The following BABAM2 variants were observed in gnomAD, a reference collection of about 807,000 sequenced individuals.
BABAM2 encodes the protein BRISC and BRCA1 A complex member 2.
A neutral mutation model predicts 54.7 loss-of-function variants in BABAM2; 31 were observed. The observed-to-expected ratio is 0.57, with a 90% CI of 0.43 to 0.77. The LOEUF (loss-of-function observed/expected upper bound fraction) is 0.77. BABAM2 is among the 30% of genes least tolerant of loss of function. The probability of loss-of-function intolerance (pLI) is 0.00; values close to 1 mark genes in which losing one functional copy is unlikely to be tolerated. For missense variants in BABAM2, 364 were observed against 455.8 expected (o/e 0.80, Z 1.83); for synonymous variants, 167 against 162.9 (o/e 1.03, Z -0.19).
At chr2:28,275,948 G>GT (rs2148178388) in intron 10 of BABAM2, among the ~76,000 whole-genome samples, 1 of 147,736 alleles carries the variant, frequency 6.8e-6, no homozygotes, top group African/African-American at 2.5e-5. Flanking sequence ...TAAATCATAT[G>GT]TTTTTTAAAA....
chr2:28,073,604 A>C (rs1276324499), intron 6 of BABAM2, among the ~76,000 whole-genome samples: 1 of 152,220 alleles, frequency 6.6e-6, no homozygotes, highest in African/African-American at 2.4e-5. Flanking sequence ...AATTCATGAA[A>C]TTCTACCCCC....
intron 6 of BABAM2, among the ~76,000 whole-genome samples, chr2:28,081,436 C>T (rs1320546632): frequency 6.6e-6 from 1 of 152,182 alleles, no homozygotes; most frequent in Non-Finnish European, 1.5e-5. Flanking sequence ...AAGATGCTTT[C>T]TGTGAATCAA....
At chr2:28,247,911 C>T (rs1358521640) in intron 10 of BABAM2, among the ~76,000 whole-genome samples, 1 of 152,180 alleles carries the variant, frequency 6.6e-6, no homozygotes, top group African/African-American at 2.4e-5. Flanking sequence ...ACTGCAACAT[C>T]CTGGCATTCT....
At chr2:28,327,531 G>A (rs1446130998) in intron 11 of BABAM2, 1 of 1,430,024 alleles carries the variant, frequency 7.0e-7, no homozygotes, top group Non-Finnish European at 9.4e-7. Context: ...ATCTCAGTCA[G>A]TTGTTGTTGA....
At position 28,338,649 on chromosome 2, in the gene BABAM2, A is replaced by T. The variant is rs1691682277; in HGVS notation, c.*136A>T. ...TCACACAGCAGCTTTTGCACGCCCC[A>T]GGCAGCCCCGACTGCTGAAATCCAA... On this transcript the variant is annotated 3_prime_UTR_variant, in exon 12 of 12. Transcript: ENST00000379624. The T allele has an allele frequency of 9.8e-6, 10 of 1,024,400 alleles. No individual in the cohort carries two copies. The South Asian group carries it at 1.4e-4, about 14-fold the overall frequency. 63.5% of individuals were successfully genotyped at this position (1,024,400 alleles called of 1,614,324 possible).
intron 5 of BABAM2, among the ~76,000 whole-genome samples, chr2:28,027,522 A>G (rs12997202): frequency 0.22 from 32,991 of 151,748 alleles, 4,456 homozygotes; most frequent in East Asian, 0.62. Flanking sequence ...GTTTCTATCA[A>G]TTTTCTTTTC....
At chr2:28,278,287 A>T (rs945605364) in intron 10 of BABAM2, among the ~76,000 whole-genome samples, 1 of 152,188 alleles carries the variant, frequency 6.6e-6, no homozygotes, top group Admixed American at 6.5e-5. Context: ...GATGAATTCA[A>T]GTGGAAGAAG....
Position 28,220,625 on chromosome 2 carries a change from A to T in BABAM2, c.681-16577A>T, listed in dbSNP as rs969486065. Among the ~76,000 whole-genome samples the T allele has an allele frequency of 1.9e-4, 29 of 152,226 alleles. No individual in the cohort carries two copies. The South Asian group carries it at 2.1e-3, about 11-fold the overall frequency. ...TAGCTTTCCAATACCAACCAAAAAA[A>T]AAATAAATAAAACAAGGATACAACT... On this transcript the variant is annotated intron_variant, in intron 7 of 11. Transcript: ENST00000379624.
At chr2:28,111,470 T>C (rs1422785315) in intron 6 of BABAM2, among the ~76,000 whole-genome samples, 1 of 152,222 alleles carries the variant, frequency 6.6e-6, no homozygotes, top group African/African-American at 2.4e-5. Flanking sequence ...GGTATTTGTC[T>C]TTTTATGCAA....
chr2:28,099,389 T>A (rs906871246), intron 6 of BABAM2, among the ~76,000 whole-genome samples: 2 of 152,026 alleles, frequency 1.3e-5, no homozygotes, highest in Non-Finnish European at 2.9e-5. Context: ...CTGGTTGTAG[T>A]GTGTTTGCTT....
intron 7 of BABAM2, among the ~76,000 whole-genome samples, chr2:28,185,472 C>T (rs923330857): frequency 6.6e-6 from 1 of 152,174 alleles, no homozygotes; most frequent in Admixed American, 6.5e-5. Flanking sequence ...CATCCTTGGG[C>T]ACAGTTTTGG....
chr2:28,074,740 T>C (rs1664497758), intron 6 of BABAM2, among the ~76,000 whole-genome samples: 1 of 152,122 alleles, frequency 6.6e-6, no homozygotes, highest in Non-Finnish European at 1.5e-5. Context: ...GAAGTACGTA[T>C]GGGACAGAAT....
chr2:27,960,033 A>AT (rs1218684402), intron 3 of BABAM2, among the ~76,000 whole-genome samples: 3 of 151,744 alleles, frequency 2.0e-5, no homozygotes, highest in Middle Eastern at 3.4e-3. Context: ...ATTTCAATAG[A>AT]TTTTTTTCCC....
intron 6 of BABAM2, among the ~76,000 whole-genome samples, chr2:28,118,915 A>G (rs1668828668): frequency 6.6e-6 from 1 of 151,898 alleles, no homozygotes; most frequent in Non-Finnish European, 1.5e-5. Flanking sequence ...GGTGTAAGGA[A>G]GGGGTCCAGT....
chr2:28,040,952 C>A (rs1677053919), intron 5 of BABAM2, among the ~76,000 whole-genome samples: 1 of 152,082 alleles, frequency 6.6e-6, no homozygotes, highest in African/African-American at 2.4e-5. Flanking sequence ...AAGTAGGGAT[C>A]ATCTAAGAGT....
At chr2:28,000,319 A>C (rs1673488756) in intron 4 of BABAM2, among the ~76,000 whole-genome samples, 1 of 152,016 alleles carries the variant, frequency 6.6e-6, no homozygotes, top group South Asian at 2.1e-4. Flanking sequence ...ATGGTTTTGC[A>C]GAGTAACTGG....
chr2:27,949,388 G>C (rs959478273), intron 3 of BABAM2, among the ~76,000 whole-genome samples: 2 of 152,066 alleles, frequency 1.3e-5, no homozygotes, highest in Non-Finnish European at 2.9e-5. Context: ...CAAAAAATTA[G>C]CCAGGCGTGG....
chr2:28,131,085 T>A (rs1263955081), intron 7 of BABAM2, among the ~76,000 whole-genome samples: 1 of 6,260 alleles, frequency 1.6e-4, no homozygotes, highest in African/African-American at 5.1e-4. Context: ...TATTATTTTT[T>A]TTTTTTTTTT....
chr2:27,906,184 G>T (rs1448575416), intron 2 of BABAM2, among the ~76,000 whole-genome samples: 1 of 152,122 alleles, frequency 6.6e-6, no homozygotes, highest in African/African-American at 2.4e-5. Flanking sequence ...AACTTTGGGT[G>T]TTTATCTAGG....
Sources: gnomAD v4.1 joint callset for allele counts (sites outside exome capture counted in the v4.1 genomes callset) on GRCh38, gnomAD v4.1.1 for gene constraint, MANE v1.5 for transcripts, NCBI Gene and HGNC (gene_info 2026-07-23, HGNC 2026-07-21) for gene names.